CAMTA1: variants seen among roughly 807,000 people sequenced by gnomAD.
CAMTA1 encodes calmodulin binding transcription activator 1.
Under a neutral mutation model 170.9 loss-of-function variants are expected in CAMTA1, and 27 were observed. The ratio of observed to expected loss-of-function variants is 0.16; its 90% CI spans 0.12 to 0.22. The LOEUF (loss-of-function observed/expected upper bound fraction) is 0.22. Among genes scored for constraint, CAMTA1 ranks in the 10% least tolerant of loss-of-function variants. The pLI, the probability that CAMTA1 is intolerant of heterozygous loss-of-function variation, is 1.00. For missense variants in CAMTA1, 1,619 were observed against 2,217.2 expected (o/e 0.73, Z 5.42); for synonymous variants, 833 against 891.5 (o/e 0.93, Z 1.17).
At chr1:6,792,078 A>G (rs1326254349) in intron 1 of CAMTA1, among the ~76,000 whole-genome samples, 2 of 151,704 alleles carry the variant, frequency 1.3e-5, no homozygotes, top group Admixed American at 1.3e-4. Context: ...TTCAGCCTCC[A>G]AAGTAGCTGG....
At chr1:6,977,823 A>T (rs1410308141) in intron 3 of CAMTA1, among the ~76,000 whole-genome samples, 1 of 152,254 alleles carries the variant, frequency 6.6e-6, no homozygotes, top group African/African-American at 2.4e-5. Context: ...CTTTGAGTGT[A>T]AACAAGCCAG....
chr1:7,273,596 G>T (rs1028371397), intron 5 of CAMTA1, among the ~76,000 whole-genome samples: 1 of 152,194 alleles, frequency 6.6e-6, no homozygotes, highest in African/African-American at 2.4e-5. Flanking sequence ...GGGATGAGGG[G>T]TGACTGCTAA....
chr1:6,939,414 A>G (rs1686031407), intron 3 of CAMTA1, among the ~76,000 whole-genome samples: 1 of 152,238 alleles, frequency 6.6e-6, no homozygotes, highest in African/African-American at 2.4e-5. Flanking sequence ...GTAGAAAAGA[A>G]AATAAACACA....
chr1:7,186,946 T>A (rs982336256), intron 4 of CAMTA1, among the ~76,000 whole-genome samples: 1 of 150,390 alleles, frequency 6.6e-6, no homozygotes, highest in Non-Finnish European at 1.5e-5. Flanking sequence ...AATTGAGGAG[T>A]GTTCTGGTGG....
chr1:7,296,176 A>T (rs1339312758), intron 5 of CAMTA1, among the ~76,000 whole-genome samples: 3 of 152,328 alleles, frequency 2.0e-5, no homozygotes, highest in Admixed American at 2.0e-4. Context: ...AGAGCCAGAG[A>T]GAGTGAACAC....
At chr1:7,203,506 TA>T (rs1387684195) in intron 4 of CAMTA1, among the ~76,000 whole-genome samples, 25 of 134,020 alleles carry the variant, frequency 1.9e-4, no homozygotes, top group Non-Finnish European at 3.2e-4. Flanking sequence ...TTTTTTTTTT[TA>T]AATTGCCTAT....
intron 4 of CAMTA1, among the ~76,000 whole-genome samples, chr1:7,246,072 G>A (rs1030682571): frequency 6.6e-6 from 1 of 152,164 alleles, no homozygotes; most frequent in African/African-American, 2.4e-5. Flanking sequence ...CTGTCTATCG[G>A]GTAAAGGATG....
rs530241672 is a variant in CAMTA1 at position 7,251,815 on chromosome 1, A to T, written c.438+2189A>T. Among the ~76,000 whole-genome samples the T allele has an allele frequency of 3.3e-5, 5 of 152,280 alleles. No individual in the cohort carries two copies. The highest frequency in any genetic ancestry group is 1.9e-4 in the East Asian group (1 of 5,182). Reference sequence around the variant, plus strand: ...TGGTCAGAGACACTTCCTAGGTCAGATGGGATACAAGCTGAGCCCTTAAAG... The same window carrying T: ...TGGTCAGAGACACTTCCTAGGTCAGTTGGGATACAAGCTGAGCCCTTAAAG... On this transcript the variant is annotated intron_variant, in intron 5 of 22. Coordinates refer to ENST00000303635, the MANE Select transcript of CAMTA1 (RefSeq NM_015215.4). This position sits in a 1 kb window ranked among gnomAD's most constrained non-coding sequence, Gnocchi z 5.1.
intron 3 of CAMTA1, among the ~76,000 whole-genome samples, chr1:6,902,597 T>G (rs1288334840): frequency 6.6e-6 from 1 of 152,202 alleles, no homozygotes; most frequent in Admixed American, 6.5e-5. Context: ...GATGGAAATT[T>G]TCTGTATGGT....
At chr1:7,006,789 CT>C (rs959443286) in intron 3 of CAMTA1, among the ~76,000 whole-genome samples, 14 of 152,182 alleles carry the variant, frequency 9.2e-5, no homozygotes, top group Non-Finnish European at 1.9e-4. Flanking sequence ...CCTAAGCTTC[CT>C]TTTCCCCTTG....
chr1:7,302,209 G>C (rs907167035), intron 5 of CAMTA1, among the ~76,000 whole-genome samples: 1 of 152,108 alleles, frequency 6.6e-6, no homozygotes, highest in African/African-American at 2.4e-5. Flanking sequence ...AGAAAGCTTT[G>C]CTCTTTGAAG....
At chr1:7,670,837 T>A (rs867102031) in intron 9 of CAMTA1, 74 bp from the exon 10 acceptor site, 10 of 1,554,410 alleles carry the variant, frequency 6.4e-6, no homozygotes, top group Middle Eastern at 1.7e-4. Context: ...CAGTGAAGCC[T>A]CAGGGGGGCT....
At chr1:6,794,197 T>G (rs1304099093) in intron 1 of CAMTA1, among the ~76,000 whole-genome samples, 4 of 152,182 alleles carry the variant, frequency 2.6e-5, no homozygotes, top group African/African-American at 9.7e-5. Context: ...ATTGGATTGG[T>G]TTTAAGAAAA....
At chr1:7,496,327 A>G (rs2093826795) in intron 6 of CAMTA1, among the ~76,000 whole-genome samples, 1 of 152,164 alleles carries the variant, frequency 6.6e-6, no homozygotes, top group Non-Finnish European at 1.5e-5. Flanking sequence ...CTTTCCGGGT[A>G]TGGGCGTGGC....
chr1:7,528,805 G>A (rs2094458514), intron 6 of CAMTA1, among the ~76,000 whole-genome samples: 1 of 122,420 alleles, frequency 8.2e-6, no homozygotes, highest in Admixed American at 7.8e-5. Context: ...AAGGATGGAT[G>A]AATGAATGAA....
intron 3 of CAMTA1, among the ~76,000 whole-genome samples, chr1:6,842,882 C>T (rs906328866): frequency 6.6e-6 from 1 of 151,844 alleles, no homozygotes; most frequent in Non-Finnish European, 1.5e-5. Context: ...TGAGGTCGTG[C>T]CATTGCACTC....
intron 3 of CAMTA1, among the ~76,000 whole-genome samples, chr1:7,012,685 C>T (rs573465747): frequency 2.0e-5 from 3 of 152,304 alleles, no homozygotes; most frequent in Non-Finnish European, 2.9e-5. Flanking sequence ...CTTCGTGCCA[C>T]CTCACACTGG....
Position 7,562,998 on chromosome 1 carries a change from T to C in CAMTA1, c.511-77402T>C, listed in dbSNP as rs941290665. ...TGAGGCCCATCACAGAGGTGCTTTCTGGGTACACTGCTTCCCACATTCTAG... is the reference window on the plus strand; with the variant it reads ...TGAGGCCCATCACAGAGGTGCTTTCCGGGTACACTGCTTCCCACATTCTAG... On this transcript the variant is annotated intron_variant, in intron 6 of 22. Coordinates refer to ENST00000303635, the MANE Select transcript of CAMTA1 (RefSeq NM_015215.4). The surrounding 1 kb of genome is among the most constrained non-coding windows in gnomAD (Gnocchi z 4.8). 1.7e-4 allele frequency among the ~76,000 whole-genome samples: 26 copies of C among 152,166 alleles called. No individual in the cohort carries two copies. Among genetic ancestry groups the C allele is most frequent in the Admixed American group, 1.5e-3 (23 of 15,288 alleles).
chr1:7,149,975 C>T (rs1049165538), intron 4 of CAMTA1, among the ~76,000 whole-genome samples: 2 of 151,200 alleles, frequency 1.3e-5, no homozygotes, highest in African/African-American at 4.9e-5. Flanking sequence ...TCATTTCCTT[C>T]ACTGCTGGGG....
Sources: gnomAD v4.1 joint callset for allele counts (sites outside exome capture counted in the v4.1 genomes callset) on GRCh38, gnomAD v4.1.1 for gene constraint, Gnocchi (gnomAD v3.1) non-coding constraint, MANE v1.5 for transcripts, NCBI Gene and HGNC (gene_info 2026-07-23, HGNC 2026-07-21) for gene names.